The following ZNF423 variants were observed in gnomAD, a reference collection of about 807,000 sequenced individuals.
ZNF423 encodes the protein Ebf-associated zinc finger protein.
In ZNF423, 12 loss-of-function variants were observed where a neutral mutation model predicts 95.8. That is an observed-to-expected ratio of 0.13 (90% CI 0.08 to 0.20). The LOEUF is 0.20. Among genes scored for constraint, ZNF423 ranks in the 10% least tolerant of loss-of-function variants. The pLI is 1.00. For synonymous variants in ZNF423, 749 were observed against 711.9 expected (o/e 1.05, Z -0.83); for missense variants, 1,316 against 1,737.1 (o/e 0.76, Z 4.31).
At chr16:49,689,247 G>C (rs1278209018) in intron 3 of ZNF423, among the ~76,000 whole-genome samples, 1 of 149,946 alleles carries the variant, frequency 6.7e-6, no homozygotes, top group Non-Finnish European at 1.5e-5. Flanking sequence ...TTCCAGACCA[G>C]CCTGGGCAAC....
At chr16:49,639,232 C>T (rs1316885409) in intron 3 of ZNF423, among the ~76,000 whole-genome samples, 3 of 152,218 alleles carry the variant, frequency 2.0e-5, no homozygotes, top group African/African-American at 7.2e-5. Context: ...TCACAGACCA[C>T]CAGTCCCATA....
intron 3 of ZNF423, among the ~76,000 whole-genome samples, chr16:49,709,366 G>A (rs2032470875): frequency 6.6e-6 from 1 of 151,960 alleles, no homozygotes; most frequent in Admixed American, 6.6e-5. Flanking sequence ...CCCTGAAGCA[G>A]GGGTTCTTCA....
intron 5 of ZNF423, among the ~76,000 whole-genome samples, chr16:49,543,167 C>T (rs1969311811): frequency 6.6e-6 from 1 of 152,184 alleles, no homozygotes; most frequent in African/African-American, 2.4e-5. Context: ...AAACAAATCA[C>T]CCCCTCAGCT....
intron 3 of ZNF423, among the ~76,000 whole-genome samples, chr16:49,699,345 A>G (rs2032091500): frequency 6.6e-6 from 1 of 152,234 alleles, no homozygotes; most frequent in Admixed American, 6.5e-5. Flanking sequence ...GCAGACGCCA[A>G]AAATAGCCCT....
intron 3 of ZNF423, among the ~76,000 whole-genome samples, chr16:49,704,457 A>T (rs552206910): frequency 6.1e-4 from 93 of 152,300 alleles, no homozygotes; most frequent in African/African-American, 2.2e-3. Context: ...AGAACTGAAA[A>T]TGCTACATAC....
intron 5 of ZNF423, among the ~76,000 whole-genome samples, chr16:49,532,843 A>G (rs1286749806): frequency 2.0e-5 from 3 of 152,184 alleles, no homozygotes; most frequent in Non-Finnish European, 2.9e-5. Context: ...TTACCCAGGT[A>G]CCCACCAACG....
At chr16:49,668,031 A>T (rs2030626069) in intron 3 of ZNF423, among the ~76,000 whole-genome samples, 1 of 152,158 alleles carries the variant, frequency 6.6e-6, no homozygotes, top group African/African-American at 2.4e-5. Flanking sequence ...TTCCCGAGGC[A>T]ACCTGTTCTC....
intron 5 of ZNF423, among the ~76,000 whole-genome samples, chr16:49,528,103 A>G (rs1178057621): frequency 6.6e-6 from 1 of 152,050 alleles, no homozygotes; most frequent in Non-Finnish European, 1.5e-5. Context: ...GGGGGCTGAG[A>G]CGGCAAACAG....
At chr16:49,513,531 C>T (rs776327249) in intron 7 of ZNF423, among the ~76,000 whole-genome samples, 1 of 152,194 alleles carries the variant, frequency 6.6e-6, no homozygotes, top group Non-Finnish European at 1.5e-5. Context: ...TAAAAATGGG[C>T]TCCCGGAATC....
intron 7 of ZNF423, among the ~76,000 whole-genome samples, chr16:49,520,165 T>C (rs1280740119): frequency 1.8e-4 from 28 of 152,216 alleles, no homozygotes; most frequent in Admixed American, 1.6e-3. Flanking sequence ...TTTTCACCAC[T>C]GTCTTCTCAG....
At chr16:49,697,732 C>T (rs911054173) in intron 3 of ZNF423, among the ~76,000 whole-genome samples, 2 of 152,220 alleles carry the variant, frequency 1.3e-5, no homozygotes, top group African/African-American at 2.4e-5. Flanking sequence ...TGCGTTCACG[C>T]GTGTTTCTGC....
intron 5 of ZNF423, among the ~76,000 whole-genome samples, chr16:49,534,039 G>A (rs1968960006): frequency 6.6e-6 from 1 of 152,054 alleles, no homozygotes; most frequent in African/African-American, 2.4e-5. Flanking sequence ...GTGGTACACT[G>A]AGGCAGGAAG....
At position 49,855,332 on chromosome 16, in the gene ZNF423, C is replaced by T. The variant is rs2035350280; in HGVS notation, c.40+403G>A. ...CTCTTCCTTCCTCCTGTCGCCCGCC[C>T]GCCGCCGCCGAGATTCGCAATCCCC... On this transcript the variant is annotated intron_variant, in intron 1 of 7. Transcript: ENST00000563137. The surrounding 1 kb of genome is among the most constrained non-coding windows in gnomAD (Gnocchi z 4.7). Among the ~76,000 whole-genome samples the T allele has an allele frequency of 6.6e-6, 1 of 151,480 alleles. No individual in the cohort carries two copies. The highest frequency in any genetic ancestry group is 1.5e-5 in the Non-Finnish European group (1 of 67,786).
intron 5 of ZNF423, among the ~76,000 whole-genome samples, chr16:49,611,027 A>G (rs1971703629): frequency 6.6e-6 from 1 of 152,114 alleles, no homozygotes; most frequent in East Asian, 1.9e-4. Context: ...AATAGAGCTG[A>G]CAGAAGAAAT....
rs543839592 is a variant in ZNF423, at chr16:49,809,411, G to A, written c.41-19865C>T. ...GTCACCCACACTGCTATGCTCCAGC[G>A]GGCGGCAGCAGGTTCAATCTCCCCA... On this transcript the variant is annotated intron_variant, in intron 1 of 7. Coordinates refer to ENST00000563137, the MANE Select transcript of ZNF423 (RefSeq NM_001379286.1). Among the ~76,000 whole-genome samples the A allele has an allele frequency of 9.2e-5, 14 of 152,288 alleles. No homozygotes were observed. The South Asian group carries it at 1.4e-3, about 16-fold the overall frequency.
intron 5 of ZNF423, among the ~76,000 whole-genome samples, chr16:49,537,536 T>C (rs1406530657): frequency 3.3e-5 from 5 of 152,194 alleles, no homozygotes; most frequent in Non-Finnish European, 5.9e-5. Context: ...TCCTTCCAAG[T>C]AGTCACATGA....
At chr16:49,675,958 A>G (rs1473125614) in intron 3 of ZNF423, among the ~76,000 whole-genome samples, 1 of 152,204 alleles carries the variant, frequency 6.6e-6, no homozygotes, top group Non-Finnish European at 1.5e-5. Context: ...GCACACACGC[A>G]CCTGCATACA....
chr16:49,682,485 G>A (rs761446088), intron 3 of ZNF423, among the ~76,000 whole-genome samples: 9 of 152,226 alleles, frequency 5.9e-5, no homozygotes, highest in East Asian at 1.9e-4. Context: ...CAGGGACACA[G>A]CCTGAGAATT....
At chr16:49,503,458 T>C (rs555058241) in intron 7 of ZNF423, among the ~76,000 whole-genome samples, 38 of 152,228 alleles carry the variant, frequency 2.5e-4, no homozygotes, top group African/African-American at 9.1e-4. Flanking sequence ...CACCACCTTC[T>C]GCCAGGCCCC....
Sources: gnomAD v4.1 joint callset for allele counts (sites outside exome capture counted in the v4.1 genomes callset) on GRCh38, gnomAD v4.1.1 for gene constraint, Gnocchi (gnomAD v3.1) non-coding constraint, MANE v1.5 for transcripts, NCBI Gene and HGNC (gene_info 2026-07-23, HGNC 2026-07-21) for gene names.